The following BDNF variants were observed in gnomAD, a reference collection of about 807,000 sequenced individuals.
BDNF encodes the protein neurotrophic factor BDNF precursor form.
A neutral mutation model predicts 19.5 loss-of-function variants in BDNF; 1 was observed. That is an observed-to-expected ratio of 0.05 (90% CI 0.02 to 0.24). The LOEUF (loss-of-function observed/expected upper bound fraction) is 0.24. BDNF is among the 10% of genes least tolerant of loss of function. The probability of loss-of-function intolerance (pLI) is 1.00; values close to 1 mark genes in which losing one functional copy is unlikely to be tolerated. For missense variants in BDNF, 195 were observed against 317.6 expected (o/e 0.61, Z 2.93); for synonymous variants, 100 against 121.6 (o/e 0.82, Z 1.17).
chr11:27,688,062 A>G (rs1046738990), intron 1 of BDNF, among the ~76,000 whole-genome samples: 1 of 152,186 alleles, frequency 6.6e-6, no homozygotes, highest in African/African-American at 2.4e-5. Context: ...TTTATCTATA[A>G]GCCCCTGACT....
At chr11:27,674,600 C>T (rs1323372861) in intron 1 of BDNF, 1 of 985,000 alleles carries the variant, frequency 1.0e-6, no homozygotes, top group Admixed American at 6.2e-5. Flanking sequence ...ACAAAAGATC[C>T]ATATGGCTGG....
At chr11:27,679,122 C>T (rs143360182) in intron 1 of BDNF, among the ~76,000 whole-genome samples, 63 of 152,308 alleles carry the variant, frequency 4.1e-4, no homozygotes, top group Non-Finnish European at 7.2e-4. Flanking sequence ...CCAGCTGGGT[C>T]TCAGTAGTCT....
At position 27,658,603 on chromosome 11, in the gene BDNF, A is replaced by G. The variant is rs549934776; in HGVS notation, c.-21-18T>C. On this transcript the variant is annotated intron_variant, in intron 1 of 1. Transcript: ENST00000356660. The surrounding 1 kb of genome is among the most constrained non-coding windows in gnomAD (Gnocchi z 5.7). The stretch of plus-strand genomic sequence containing the variant: ...TGGTGGAACTGTAGGGAGAAAGCAG[A>G]AACAAGACAGAAAACTGGTTAGGGC... 37 of 1,614,100 alleles carry G rather than the reference A, an allele frequency of 2.3e-5. No homozygotes were observed. In the Middle Eastern group the frequency reaches 4.9e-4, roughly 22 times the overall value.
In BDNF at chr11:27,658,339, T is replaced by C. The variant is rs372937141; in HGVS notation, c.226A>G (p.Lys76Glu). ...TTGTTTTCTTCATTGGGCCGAACTT[T>C]CTGGTCCTCATCCAACAGCTCTTCT... ...VIEELLDEDQ[K>E]VRPNEENNKD... The change falls in exon 2 of 2, where the codon AAA becomes GAA. Residue 76 changes from lysine to glutamate, a missense_variant. Lys to Glu is a moderately conservative substitution (Grantham distance 56, BLOSUM62 1). Transcript: ENST00000356660. The surrounding 1 kb of genome is among the most constrained non-coding windows in gnomAD (Gnocchi z 5.7). 5.9e-5 allele frequency: 95 copies of C among 1,614,082 alleles called. No individual in the cohort carries two copies. The highest frequency in any genetic ancestry group is 7.8e-5 in the Non-Finnish European group (92 of 1,180,032).
At chr11:27,682,275 C>A (rs950753147) in intron 1 of BDNF, among the ~76,000 whole-genome samples, 1 of 151,918 alleles carries the variant, frequency 6.6e-6, no homozygotes, top group Non-Finnish European at 1.5e-5. Flanking sequence ...ACCAAACTTA[C>A]AAATCTTGGA....
At chr11:27,720,480 C>T (rs1454937361) in intron 1 of BDNF, 1 of 985,802 alleles carries the variant, frequency 1.0e-6, no homozygotes, top group Non-Finnish European at 1.2e-6. Flanking sequence ...AAGCCAACTT[C>T]AGCGAGCTCA....
At chr11:27,678,759 C>T (rs1419079430) in intron 1 of BDNF, among the ~76,000 whole-genome samples, 1 of 152,030 alleles carries the variant, frequency 6.6e-6, no homozygotes, top group African/African-American at 2.4e-5. Flanking sequence ...CCTTTTACCC[C>T]CAAATGTAGA....
At position 27,658,845 on chromosome 11, in the gene BDNF, G is replaced by C; in HGVS notation, c.-21-260C>G. On this transcript the variant is annotated intron_variant, in intron 1 of 1. Transcript: ENST00000356660. The surrounding 1 kb of genome is among the most constrained non-coding windows in gnomAD (Gnocchi z 5.7). The stretch of plus-strand genomic sequence containing the variant: ...CTGAGATTAGATGGCTTCTAAGCAA[G>C]TGCAAAAATTGTGGCTTCAAGTTCT... 7.5e-7 allele frequency: 1 copy of C among 1,337,776 alleles called. No individual in the cohort carries two copies. Among genetic ancestry groups the C allele is most frequent in the Non-Finnish European group, 9.6e-7 (1 of 1,037,850 alleles). The allele number at this position is 1,337,776 out of a possible 1,614,324, so 82.9% of individuals were successfully genotyped here. A position where few individuals can be genotyped will look rare whatever the true frequency, so the allele number is the denominator to read the frequency against.
chr11:27,700,525 CCCCCCCCCGCCCCCCG>C (rs1431878982), upstream of BDNF: 445 of 428,822 alleles, frequency 1.0e-3, no homozygotes, highest in Non-Finnish European at 1.3e-3. Context: ...GCGCCGCCCC[CCCCCCCCCGCCCCCCG>C]CCCCCCGCTC....
chr11:27,699,534 G>C, intron 1 of BDNF: 1 of 1,598,046 alleles, frequency 6.3e-7, no homozygotes, highest in Non-Finnish European at 8.5e-7. Flanking sequence ...TGTGGGTTCG[G>C]CCTGCCCGAG....
upstream of BDNF, among the ~76,000 whole-genome samples, chr11:27,703,665 A>T (rs1859999274): frequency 6.6e-6 from 1 of 152,194 alleles, no homozygotes; most frequent in South Asian, 2.1e-4. Flanking sequence ...AAATGTGTGT[A>T]TCTTCGCTTT....
In BDNF at chr11:27,657,387, TAACA is replaced by T. The variant is rs1218665341; in HGVS notation, c.*430_*433del. 1 of 1,029,838 alleles carries T rather than the reference TAACA, an allele frequency of 9.7e-7. No individual in the cohort carries two copies. Among genetic ancestry groups the T allele is most frequent in the African/African-American group, 1.7e-5 (1 of 57,740 alleles). The allele number at this position is 1,029,838 out of a possible 1,614,324, so 63.8% of individuals were successfully genotyped here. Reference sequence around the variant, plus strand: ...AAAAGCAGTAAAACAGATATAGTACTAACAAGAACGAAGATACTTACTGTCTAAA... The same window carrying T: ...AAAAGCAGTAAAACAGATATAGTACTAGAACGAAGATACTTACTGTCTAAA... On this transcript the variant is annotated 3_prime_UTR_variant, in exon 2 of 2. Coordinates refer to ENST00000356660, the MANE Select transcript of BDNF (RefSeq NM_001709.5). This position sits in a 1 kb window ranked among gnomAD's most constrained non-coding sequence, Gnocchi z 5.0.
At chr11:27,699,749 C>G (rs1564988452) in intron 1 of BDNF, 5 of 1,308,430 alleles carry the variant, frequency 3.8e-6, no homozygotes, top group African/African-American at 1.5e-5. Context: ...GACCACCCAC[C>G]CCCTGGAAGG....
Position 27,700,182 on chromosome 11 carries a change from CTCACGGG to C in BDNF, c.-47_-41del. The C allele has an allele frequency of 1.0e-6, 1 of 985,782 alleles. No homozygotes were observed. The highest frequency in any genetic ancestry group is 1.2e-6 in the Non-Finnish European group (1 of 830,232). The allele number at this position is 985,782 out of a possible 1,614,324, so 61.1% of individuals were successfully genotyped here. ...TGCCTACCTCGGGGTCCACACAAAC[CTCACGGG>C]TCCCCGGCGGCGGAGTCACATCGTG... is the stretch of plus-strand genomic sequence containing the variant. On this transcript the variant is annotated 5_prime_UTR_variant, in exon 1 of 2. Coordinates refer to ENST00000356660, the MANE Select transcript of BDNF (RefSeq NM_001709.5).
intron 1 of BDNF, among the ~76,000 whole-genome samples, chr11:27,670,800 CT>C (rs1855230749): frequency 1.3e-5 from 2 of 152,206 alleles, no homozygotes; most frequent in African/African-American, 4.8e-5. Context: ...CACTTTTACA[CT>C]GTTGATGGGA....
At chr11:27,674,489 T>C in intron 1 of BDNF, 1 of 1,401,496 alleles carries the variant, frequency 7.1e-7, no homozygotes, top group Non-Finnish European at 9.2e-7. Flanking sequence ...TAAGGCAGTT[T>C]CCAGGCCCTG....
intron 1 of BDNF, among the ~76,000 whole-genome samples, chr11:27,684,420 A>G (rs900007154): frequency 1.3e-5 from 2 of 152,182 alleles, no homozygotes; most frequent in Non-Finnish European, 2.9e-5. Flanking sequence ...TGCCCTGGCT[A>G]GAACGTCCAA....
At chr11:27,721,484 T>C (rs1466781756) in exon 1 of BDNF, 1 of 1,572,240 alleles carries the variant, frequency 6.4e-7, no homozygotes, top group Non-Finnish European at 8.8e-7. Context: ...TGGAAGGTAA[T>C]GTGTCTTGTT....
chr11:27,721,324 T>C, intron 1 of BDNF: 2 of 1,466,076 alleles, frequency 1.4e-6, no homozygotes, highest in Non-Finnish European at 1.9e-6. Flanking sequence ...CTTTGGCGTG[T>C]GAAGTGCTAG....
Sources: gnomAD v4.1 joint callset for allele counts (sites outside exome capture counted in the v4.1 genomes callset) on GRCh38, gnomAD v4.1.1 for gene constraint, Gnocchi (gnomAD v3.1) non-coding constraint, MANE v1.5 for transcripts, NCBI Gene and HGNC (gene_info 2026-07-23, HGNC 2026-07-21) for gene names.